The following ME3 variants were observed in gnomAD, a reference collection of about 807,000 sequenced individuals.
ME3 encodes the protein malic enzyme 3, also known as NADP-dependent malic enzyme, mitochondrial.
A neutral mutation model predicts 68.9 loss-of-function variants in ME3; 48 were observed. That is an observed-to-expected ratio of 0.70 (90% CI 0.55 to 0.89). ME3 has a LOEUF of 0.89. ME3 is among the 40% of genes least tolerant of loss of function. The pLI, the probability that ME3 is intolerant of heterozygous loss-of-function variation, is 0.00. For synonymous variants in ME3, 320 were observed against 318.8 expected (o/e 1.00, Z -0.04); for missense variants, 675 against 797.4 (o/e 0.85, Z 1.85).
chr11:86,489,655 ACT>A (rs1951881983), intron 6 of ME3, among the ~76,000 whole-genome samples: 1 of 151,890 alleles, frequency 6.6e-6, no homozygotes, highest in Non-Finnish European at 1.5e-5. Context: ...CCCAACCGAG[ACT>A]CTGCTGGGGC....
chr11:86,649,558 G>A lies in ME3; in HGVS notation c.183+22204C>T, dbSNP rs181516372. On this transcript the variant is annotated intron_variant, in intron 2 of 14. Coordinates refer to ENST00000543262, the Ensembl canonical transcript of ME3. Reference sequence around the variant, plus strand: ...TGCAGATGACATGATTGTATATTTAGAAAACACCATCGTCTCAACCCAAAA... The same window carrying A: ...TGCAGATGACATGATTGTATATTTAAAAAACACCATCGTCTCAACCCAAAA... 2.3e-3 allele frequency among the ~76,000 whole-genome samples: 357 copies of A among 152,290 alleles called. 1 individual carries two copies. Among genetic ancestry groups the A allele is most frequent in the Non-Finnish European group, 3.9e-3 (265 of 68,018 alleles).
At chr11:86,544,645 C>G (rs1956253102) in intron 4 of ME3, among the ~76,000 whole-genome samples, 1 of 152,128 alleles carries the variant, frequency 6.6e-6, no homozygotes, top group Non-Finnish European at 1.5e-5. Context: ...ATAACAAGTT[C>G]TGAAATTAAG....
At chr11:86,657,558 G>A (rs1470356928) in intron 2 of ME3, among the ~76,000 whole-genome samples, 3 of 151,958 alleles carry the variant, frequency 2.0e-5, no homozygotes, top group African/African-American at 4.8e-5. Flanking sequence ...ACCATGGCAC[G>A]TTTATACCTA....
intron 8 of ME3, 29 bp from the exon 9 acceptor site, chr11:86,450,427 C>A: frequency 1.3e-6 from 2 of 1,594,296 alleles, no homozygotes; most frequent in South Asian, 1.1e-5. Flanking sequence ...AGATCAACCT[C>A]TGGCCACAGG....
At chr11:86,617,559 T>C (rs968123540) in intron 2 of ME3, among the ~76,000 whole-genome samples, 3 of 152,224 alleles carry the variant, frequency 2.0e-5, no homozygotes, top group African/African-American at 7.2e-5. Flanking sequence ...ATTTTAGCAC[T>C]GATTGCCCAA....
At chr11:86,532,285 C>T (rs1026728047) in intron 4 of ME3, among the ~76,000 whole-genome samples, 3 of 152,032 alleles carry the variant, frequency 2.0e-5, no homozygotes, top group Admixed American at 6.6e-5. Flanking sequence ...AGCAGAAGAC[C>T]TCAATCTCCA....
chr11:86,487,804 G>A (rs914001801), intron 6 of ME3, among the ~76,000 whole-genome samples: 4 of 152,172 alleles, frequency 2.6e-5, no homozygotes, highest in Non-Finnish European at 5.9e-5. Context: ...GAGGCCTGAC[G>A]TGCACACTGT....
intron 4 of ME3, among the ~76,000 whole-genome samples, chr11:86,547,252 A>AT (rs1301150719): frequency 2.0e-5 from 3 of 151,454 alleles, no homozygotes; most frequent in Non-Finnish European, 2.9e-5. Context: ...AAAAAAAAAA[A>AT]AAAAAAAAGA....
intron 4 of ME3, among the ~76,000 whole-genome samples, chr11:86,519,960 A>G (rs972199132): frequency 6.6e-6 from 1 of 152,216 alleles, no homozygotes; most frequent in African/African-American, 2.4e-5. Context: ...ACAACTGAAC[A>G]TGTTAGTGGT....
downstream of ME3, among the ~76,000 whole-genome samples, chr11:86,439,469 A>G (rs1948918038): frequency 6.6e-6 from 1 of 152,236 alleles, no homozygotes; most frequent in African/African-American, 2.4e-5. Flanking sequence ...TATAGAGCCA[A>G]TTGCATTTGA....
intron 2 of ME3, among the ~76,000 whole-genome samples, chr11:86,570,981 T>A (rs960209726): frequency 6.6e-6 from 1 of 152,338 alleles, no homozygotes; most frequent in African/African-American, 2.4e-5. Flanking sequence ...CTTTACTGGG[T>A]CATTGTGTCA....
At chr11:86,531,917 G>A (rs759847198) in intron 4 of ME3, among the ~76,000 whole-genome samples, 1 of 151,486 alleles carries the variant, frequency 6.6e-6, no homozygotes, top group African/African-American at 2.4e-5. Flanking sequence ...CATGGCACAT[G>A]TATACATATG....
chr11:86,492,297 A>G (rs1952054189), intron 6 of ME3, among the ~76,000 whole-genome samples: 1 of 152,242 alleles, frequency 6.6e-6, no homozygotes, highest in African/African-American at 2.4e-5. Flanking sequence ...TAGTGATATG[A>G]TTGCAGAGTC....
rs117929749 is a variant in ME3 at position 86,516,900 on chromosome 11, C to T, written c.468-8033G>A. 1.9e-3 allele frequency among the ~76,000 whole-genome samples: 286 copies of T among 152,182 alleles called. 2 individuals are homozygous for T. Among genetic ancestry groups the T allele is most frequent in the Admixed American group, 5.3e-3 (81 of 15,280 alleles). On this transcript the variant is annotated intron_variant, in intron 4 of 14. Transcript: ENST00000543262. ...AGGGCCCACTGACCAAATGAGTGGCCAGAGAAGGGGCATGGCTTCTGCTGC... is the reference window on the plus strand; with the variant it reads ...AGGGCCCACTGACCAAATGAGTGGCTAGAGAAGGGGCATGGCTTCTGCTGC...
intron 4 of ME3, among the ~76,000 whole-genome samples, chr11:86,545,330 A>G (rs927639774): frequency 2.6e-5 from 4 of 152,216 alleles, no homozygotes; most frequent in Admixed American, 1.3e-4. Flanking sequence ...GCAATCAGGC[A>G]AGAGAAAGAA....
At chr11:86,655,455 T>C (rs1457057974) in intron 2 of ME3, among the ~76,000 whole-genome samples, 5 of 152,196 alleles carry the variant, frequency 3.3e-5, no homozygotes, top group African/African-American at 7.2e-5. Context: ...GTATCTACAA[T>C]TATCTGATCT....
intron 7 of ME3, among the ~76,000 whole-genome samples, chr11:86,474,717 C>T (rs889164818): frequency 2.0e-5 from 3 of 152,318 alleles, no homozygotes; most frequent in Admixed American, 2.0e-4. Flanking sequence ...CTAGCGCTTT[C>T]CTGGGAATAA....
At chr11:86,650,980 C>T (rs567646094) in intron 2 of ME3, among the ~76,000 whole-genome samples, 6 of 152,342 alleles carry the variant, frequency 3.9e-5, no homozygotes, top group East Asian at 1.9e-4. Flanking sequence ...CCTACGCCCA[C>T]AGAGCCTCAC....
intron 2 of ME3, among the ~76,000 whole-genome samples, chr11:86,659,541 G>A (rs2135481219): frequency 6.6e-6 from 1 of 152,276 alleles, no homozygotes; most frequent in East Asian, 1.9e-4. Context: ...TGTCTTCTGG[G>A]GGGATGATCA....
Sources: allele counts gnomAD v4.1 joint callset (sites outside exome capture counted in the v4.1 genomes callset), GRCh38; gene constraint gnomAD v4.1.1; transcripts MANE v1.5; gene names NCBI Gene and HGNC (gene_info 2026-07-23, HGNC 2026-07-21).